Variants in SOCS6 observed in about 807,000 individuals in gnomAD.
The protein encoded by SOCS6 is suppressor of cytokine signaling 6, also known as STAT induced STAT inhibitor-4.
A neutral mutation model predicts 27.7 loss-of-function variants in SOCS6; 5 were observed. The observed-to-expected ratio is 0.18, with a 90% CI of 0.09 to 0.38. The LOEUF (loss-of-function observed/expected upper bound fraction) is 0.38, where lower values mean the gene tolerates loss of function less well. Ranked by LOEUF, SOCS6 falls within the 10% of genes least tolerant of loss-of-function variation. The probability of loss-of-function intolerance (pLI) is 1.00; values close to 1 mark genes in which losing one functional copy is unlikely to be tolerated. For synonymous variants in SOCS6, 271 were observed against 260.0 expected, an observed-to-expected ratio of 1.04 and a Z score of -0.41; for missense variants, 595 against 688.1, an observed-to-expected ratio of 0.86 and a Z score of 1.51.
intron 1 of SOCS6, among the ~76,000 whole-genome samples, chr18:70,299,187 C>T (rs947463519): frequency 2.6e-5 from 4 of 152,122 alleles, no homozygotes; most frequent in African/African-American, 9.7e-5. Flanking sequence ...AGAGTAAGTA[C>T]AGTCCCCACA....
At chr18:70,295,573 T>A (rs2146260868) in intron 1 of SOCS6, among the ~76,000 whole-genome samples, 1 of 152,370 alleles carries the variant, frequency 6.6e-6, no homozygotes, top group East Asian at 1.9e-4. Flanking sequence ...CATTTTTGTT[T>A]GTTGACATTG....
chr18:70,325,702 A>G lies in SOCS6; in HGVS notation c.1034A>G (p.Asn345Ser). The stretch of plus-strand genomic sequence containing the variant: ...GCTGAAAGTATGCGCTGTCATTTGA[A>G]TTTTGATCCGAACTCTGCTCCTGGG... ...HVAESMRCHLNFDPNSAPGVA... is the reference protein window; with the variant it reads ...HVAESMRCHLSFDPNSAPGVA... Residue 345 changes from asparagine to serine, a missense_variant, in exon 2 of 2, where the codon AAT becomes AGT. Transcript: ENST00000397942. This position sits in a 1 kb window ranked among gnomAD's most constrained non-coding sequence, Gnocchi z 6.3. 6.2e-7 allele frequency: 1 copy of G among 1,614,214 alleles called. No homozygotes were observed. The highest frequency in any genetic ancestry group is 8.5e-7 in the Non-Finnish European group (1 of 1,180,038).
chr18:70,308,366 C>A (rs112536484), intron 1 of SOCS6, among the ~76,000 whole-genome samples: 2 of 151,888 alleles, frequency 1.3e-5, no homozygotes, highest in African/African-American at 2.4e-5. Context: ...TACAGGCATG[C>A]GCCACCATAC....
intron 1 of SOCS6, among the ~76,000 whole-genome samples, chr18:70,311,373 G>C (rs778943863): frequency 1.3e-5 from 2 of 152,194 alleles, no homozygotes; most frequent in African/African-American, 4.8e-5. Context: ...GTTTGGGAAG[G>C]CTTATGGGAG....
intron 1 of SOCS6, among the ~76,000 whole-genome samples, chr18:70,317,373 T>G (rs12965933): frequency 1.3e-5 from 2 of 152,182 alleles, no homozygotes; most frequent in Admixed American, 1.3e-4. Flanking sequence ...CAGGTTGTTG[T>G]GAATGCCATT....
chr18:70,306,612 A>G (rs1290873967), intron 1 of SOCS6, among the ~76,000 whole-genome samples: 1 of 151,844 alleles, frequency 6.6e-6, no homozygotes, highest in Non-Finnish European at 1.5e-5. Flanking sequence ...AACCTTCAGT[A>G]CAGTGTTGAG....
At chr18:70,299,108 G>A (rs538144813) in intron 1 of SOCS6, among the ~76,000 whole-genome samples, 12 of 152,184 alleles carry the variant, frequency 7.9e-5, no homozygotes, top group African/African-American at 2.6e-4. Flanking sequence ...GGCAACAAGA[G>A]CGACCCTCCG....
At chr18:70,309,594 A>G (rs905438653) in intron 1 of SOCS6, among the ~76,000 whole-genome samples, 5 of 152,278 alleles carry the variant, frequency 3.3e-5, no homozygotes, top group South Asian at 2.1e-4. Context: ...ACTTACCACA[A>G]TCTGCTTCAA....
At chr18:70,310,197 T>G (rs939224419) in intron 1 of SOCS6, among the ~76,000 whole-genome samples, 1 of 152,220 alleles carries the variant, frequency 6.6e-6, no homozygotes, top group African/African-American at 2.4e-5. Context: ...ATTGACAGTT[T>G]AGTCCAGCTT....
At position 70,325,735 on chromosome 18, in the gene SOCS6, G is replaced by A. The variant is rs754268296; in HGVS notation, c.1067G>A (p.Arg356Lys). 1 of 1,614,230 alleles carries A rather than the reference G, an allele frequency of 6.2e-7. No homozygotes were observed. Among genetic ancestry groups the A allele is most frequent in the Admixed American group, 1.7e-5 (1 of 60,024 alleles). The change falls in exon 2 of 2, where the codon AGA becomes AAA. Residue 356 changes from arginine to lysine, a missense_variant. Transcript: ENST00000397942. The surrounding 1 kb of genome is among the most constrained non-coding windows in gnomAD (Gnocchi z 6.3). ...FDPNSAPGVA[R>K]VYDSVQSSGP... Reference sequence around the variant, plus strand: ...CCGAACTCTGCTCCTGGGGTTGCAAGAGTTTATGACTCAGTGCAAAGTAGT... The same window carrying A: ...CCGAACTCTGCTCCTGGGGTTGCAAAAGTTTATGACTCAGTGCAAAGTAGT...
rs563015398 is a variant in SOCS6, at chr18:70,330,170, G to C, written c.*3894G>C. On this transcript the variant is annotated 3_prime_UTR_variant, in exon 2 of 2. Coordinates refer to ENST00000397942, the MANE Select transcript of SOCS6 (RefSeq NM_004232.4). ...ATTTATGTATCTGCTTCTAGATACA[G>C]TGTGTAAATAAAAAATTTCGTTCAC... is the stretch of plus-strand genomic sequence containing the variant. 1.0e-4 allele frequency: 17 copies of C among 167,186 alleles called. No homozygotes were observed. The highest frequency in any genetic ancestry group is 3.8e-4 in the African/African-American group (16 of 41,576). 10.4% of individuals were successfully genotyped at this position (167,186 alleles called of 1,614,324 possible). A position where few individuals can be genotyped will look rare whatever the true frequency, so the allele number is the denominator to read the frequency against.
At chr18:70,295,252 G>A (rs2062318033) in intron 1 of SOCS6, among the ~76,000 whole-genome samples, 1 of 152,202 alleles carries the variant, frequency 6.6e-6, no homozygotes, top group Non-Finnish European at 1.5e-5. Flanking sequence ...AATTTCAATA[G>A]TTCAGTGTTA....
chr18:70,306,569 T>G (rs533332311), intron 1 of SOCS6, among the ~76,000 whole-genome samples: 1 of 152,058 alleles, frequency 6.6e-6, no homozygotes, highest in African/African-American at 2.4e-5. Context: ...CTTTCCAATT[T>G]GTATGCATTT....
At chr18:70,317,715 G>C (rs775278984) in intron 1 of SOCS6, among the ~76,000 whole-genome samples, 3 of 151,842 alleles carry the variant, frequency 2.0e-5, no homozygotes, top group Non-Finnish European at 2.9e-5. Context: ...CCTAGTAGTG[G>C]GATTGCTGGA....
Position 70,325,153 on chromosome 18 carries a change from C to G in SOCS6, c.485C>G (p.Ser162Cys), listed in dbSNP as rs958426904. ...AGAGTCAAGGCCTTGGTTCACTCTT[C>G]CAGCCCGAGTCCAGCCCTGAATGGC... ...EVRVKALVHSSSPSPALNGVR... is the reference protein window; with the variant it reads ...EVRVKALVHSCSPSPALNGVR... The change falls in exon 2 of 2, where the codon TCC becomes TGC. Residue 162 changes from serine to cysteine, a missense_variant. Around this residue, in one of 2 missense-constraint regions of SOCS6, gnomAD observed 467 missense variants for 481.1 expected, o/e 0.97. Coordinates refer to ENST00000397942, the MANE Select transcript of SOCS6 (RefSeq NM_004232.4). The surrounding 1 kb of genome is among the most constrained non-coding windows in gnomAD (Gnocchi z 6.3). 8.1e-6 allele frequency: 13 copies of G among 1,614,076 alleles called. No individual in the cohort carries two copies. The African/African-American group carries it at 1.5e-4, about 18-fold the overall frequency.
chr18:70,315,255 G>C (rs1407895437), intron 1 of SOCS6, among the ~76,000 whole-genome samples: 2 of 152,070 alleles, frequency 1.3e-5, no homozygotes, highest in African/African-American at 2.4e-5. Flanking sequence ...TCTGAAGTGT[G>C]TTGTGAATTT....
At chr18:70,289,463 C>G (rs569994783) in intron 1 of SOCS6, among the ~76,000 whole-genome samples, 9 of 147,362 alleles carry the variant, frequency 6.1e-5, no homozygotes, top group Middle Eastern at 3.5e-3. Flanking sequence ...CGCGGCGCGC[C>G]GGCCTGGGCC....
At chr18:70,311,234 T>C (rs1218458090) in intron 1 of SOCS6, among the ~76,000 whole-genome samples, 1 of 152,186 alleles carries the variant, frequency 6.6e-6, no homozygotes, top group East Asian at 1.9e-4. Context: ...TGAGTTCATC[T>C]TTCATCCTTG....
At chr18:70,304,070 A>G (rs1600154292) in intron 1 of SOCS6, among the ~76,000 whole-genome samples, 1 of 152,234 alleles carries the variant, frequency 6.6e-6, no homozygotes, top group Non-Finnish European at 1.5e-5. Flanking sequence ...CAGCAAATAC[A>G]GGAGGATATA....
Sources: allele counts gnomAD v4.1 joint callset (sites outside exome capture counted in the v4.1 genomes callset), GRCh38; gene constraint gnomAD v4.1.1; regional missense constraint gnomAD v4.1.1; non-coding constraint Gnocchi (gnomAD v3.1); transcripts MANE v1.5; gene names NCBI Gene and HGNC (gene_info 2026-07-23, HGNC 2026-07-21).